TMEM232: variants seen among roughly 807,000 people sequenced by gnomAD.
The protein encoded by TMEM232 is transmembrane protein 232.
In TMEM232, 80 loss-of-function variants were observed where a neutral mutation model predicts 78.8. The ratio of observed to expected loss-of-function variants is 1.01; its 90% CI spans 0.85 to 1.22. The LOEUF (loss-of-function observed/expected upper bound fraction) is 1.22. Among genes scored for constraint, TMEM232 ranks in the 50% most tolerant of loss-of-function variants. The pLI is 0.00. For synonymous variants in TMEM232, 297 were observed against 254.3 expected (o/e 1.17, Z -1.60); for missense variants, 881 against 742.2 (o/e 1.19, Z -2.17).
At chr5:110,619,259 A>G (rs1347453678) in intron 7 of TMEM232, among the ~76,000 whole-genome samples, 3 of 152,200 alleles carry the variant, frequency 2.0e-5, no homozygotes, top group Non-Finnish European at 4.4e-5. Context: ...AAAATGAAAC[A>G]CTTAGAATCT....
chr5:110,619,171 A>G (rs1432013214), intron 7 of TMEM232, among the ~76,000 whole-genome samples: 2 of 152,192 alleles, frequency 1.3e-5, no homozygotes, highest in Non-Finnish European at 2.9e-5. Context: ...ATTTTTGCCA[A>G]CAGTGAAGAT....
At chr5:110,692,215 C>T (rs977034120) in intron 1 of TMEM232, among the ~76,000 whole-genome samples, 3 of 152,196 alleles carry the variant, frequency 2.0e-5, no homozygotes, top group South Asian at 2.1e-4. Flanking sequence ...CCACGACGCC[C>T]GGCCACATTC....
chr5:110,605,006 G>T (rs6897672), intron 10 of TMEM232, 103 bp downstream of exon 10: 315,562 of 1,273,778 alleles, frequency 0.25, 52,125 homozygotes, highest in African/African-American at 0.78. Flanking sequence ...TTTAAAATTA[G>T]TTGCTATTTC....
chr5:110,693,160 C>G (rs1295468555), intron 1 of TMEM232, among the ~76,000 whole-genome samples: 1 of 152,166 alleles, frequency 6.6e-6, no homozygotes, highest in Non-Finnish European at 1.5e-5. Context: ...ATCCACTGTT[C>G]CGCAGCCACT....
intron 2 of TMEM232, among the ~76,000 whole-genome samples, chr5:110,645,110 C>A (rs538106797): frequency 9.3e-5 from 14 of 151,306 alleles, no homozygotes; most frequent in Non-Finnish European, 1.5e-4. Flanking sequence ...AAAGAAAAGC[C>A]CAGGACCAGG....
intron 1 of TMEM232, among the ~76,000 whole-genome samples, chr5:110,735,846 C>T (rs116440734): frequency 0.023 from 3,511 of 152,282 alleles, 42 homozygotes; most frequent in African/African-American, 0.028. Context: ...CTTTCTATAG[C>T]TGTCTGAGTA....
At chr5:110,423,813 G>GTGTA (rs1441989420) in intron 13 of TMEM232, among the ~76,000 whole-genome samples, 1 of 150,702 alleles carries the variant, frequency 6.6e-6, no homozygotes, top group African/African-American at 2.5e-5. Flanking sequence ...GTGTGTGTAT[G>GTGTA]TGTATGTGTG....
intron 1 of TMEM232, among the ~76,000 whole-genome samples, chr5:110,704,195 G>T (rs552697251): frequency 6.6e-6 from 1 of 152,206 alleles, no homozygotes; most frequent in East Asian, 1.9e-4. Context: ...TTTATTGGAA[G>T]AGACATCAAC....
At chr5:110,466,934 G>A (rs1580798800) in intron 12 of TMEM232, among the ~76,000 whole-genome samples, 1 of 151,622 alleles carries the variant, frequency 6.6e-6, no homozygotes, top group African/African-American at 2.4e-5. Context: ...TGCTGGATAA[G>A]CCACCTCCAA....
At chr5:110,494,599 G>A (rs2149427806) in intron 12 of TMEM232, among the ~76,000 whole-genome samples, 2 of 151,996 alleles carry the variant, frequency 1.3e-5, no homozygotes, top group South Asian at 4.2e-4. Context: ...TCTACTCCTA[G>A]GTATAGTCTA....
chr5:110,728,714 CTA>C (rs147131343), upstream of TMEM232, among the ~76,000 whole-genome samples: 1 of 149,330 alleles, frequency 6.7e-6, no homozygotes, highest in Non-Finnish European at 1.5e-5. Context: ...ATATATATAC[CTA>C]TATATATATA....
intron 12 of TMEM232, among the ~76,000 whole-genome samples, chr5:110,462,961 G>A (rs1318529594): frequency 6.6e-6 from 1 of 152,084 alleles, no homozygotes; most frequent in Non-Finnish European, 1.5e-5. Flanking sequence ...TTCTACTCCT[G>A]GTAAAGATGC....
At chr5:110,666,619 A>C (rs545699441) in intron 2 of TMEM232, 3 of 152,158 alleles carry the variant, frequency 2.0e-5, no homozygotes, top group Admixed American at 6.6e-5. Context: ...GTTTATATGA[A>C]TAATAGCAAA....
chr5:110,537,624 T>TA (rs2149566067), intron 11 of TMEM232, among the ~76,000 whole-genome samples: 1 of 152,320 alleles, frequency 6.6e-6, no homozygotes, highest in African/African-American at 2.4e-5. Context: ...CTCTTGAGGC[T>TA]AAACCCCAAA....
At chr5:110,626,705 T>C (rs1486315027) in intron 6 of TMEM232, among the ~76,000 whole-genome samples, 3 of 152,094 alleles carry the variant, frequency 2.0e-5, no homozygotes, top group African/African-American at 4.8e-5. Flanking sequence ...TTTGTTTACC[T>C]CCAATCTGAA....
chr5:110,596,334 T>C (rs1484241602), intron 10 of TMEM232, among the ~76,000 whole-genome samples: 2 of 152,176 alleles, frequency 1.3e-5, no homozygotes, highest in Non-Finnish European at 2.9e-5. Context: ...AATCTCTGAA[T>C]AGACCAATAA....
At chr5:110,624,716 G>A (rs1404183910) in intron 7 of TMEM232, among the ~76,000 whole-genome samples, 1 of 152,000 alleles carries the variant, frequency 6.6e-6, no homozygotes, top group Non-Finnish European at 1.5e-5. Context: ...ACAAATAGAT[G>A]TGTTGGAATT....
intron 12 of TMEM232, among the ~76,000 whole-genome samples, chr5:110,498,125 A>T (rs1241578584): frequency 1.3e-5 from 2 of 152,208 alleles, no homozygotes. Context: ...ATGTATATGT[A>T]AAATAAAGTA....
chr5:110,537,224 C>T (rs1276090962), intron 11 of TMEM232, among the ~76,000 whole-genome samples: 1 of 152,058 alleles, frequency 6.6e-6, no homozygotes, highest in Non-Finnish European at 1.5e-5. Flanking sequence ...CCCTGCTTGG[C>T]TGCATCCTCC....
Sources: allele counts gnomAD v4.1 joint callset (sites outside exome capture counted in the v4.1 genomes callset), GRCh38; gene constraint gnomAD v4.1.1; transcripts MANE v1.5; gene names NCBI Gene and HGNC (gene_info 2026-07-23, HGNC 2026-07-21).